Variants in PNMA6A observed in about 807,000 individuals in gnomAD.
PNMA6A encodes paraneoplastic antigen-like protein 6A.
For synonymous variants in PNMA6A, 2 were observed against 49.3 expected (o/e 0.04, Z 4.02); for missense variants, 8 against 103.5 (o/e 0.08, Z 4.00).
In PNMA6A at chrX:153,074,200, C is replaced by T. The variant is rs2051216766; in HGVS notation, c.1138C>T (p.Gln380Ter). The T allele has an allele frequency of 1.6e-6, 1 of 628,120 alleles. No homozygotes were observed. The highest frequency in any genetic ancestry group is 2.3e-6 in the Non-Finnish European group (1 of 437,630). 51.8% of individuals were successfully genotyped at this position (628,120 alleles called of 1,213,427 possible). Reference protein sequence around the residue: ...EPEGLLQAGGQEAEELLQEGL... With the variant: ...EPEGLLQAGG Reference sequence around the variant, plus strand: ...AGAGGGCCTCCTCCAGGCAGGAGGCCAGGAGGCTGAGGAGCTCCTCCAGGA... The same window carrying T: ...AGAGGGCCTCCTCCAGGCAGGAGGCTAGGAGGCTGAGGAGCTCCTCCAGGA... The change falls in exon 2 of 2, where the codon CAG (glutamine) becomes TAG (stop). Residue 380 changes from glutamine to a stop codon, truncating the protein, a stop_gained. Coordinates refer to ENST00000421798, the MANE Select transcript of PNMA6A (RefSeq NM_032882.6). LOFTEE classifies it high-confidence loss of function.
rs1603347252 is a variant in PNMA6A at position 153,074,408 on chromosome X, G to C, written c.*146G>C. 1 of 732,329 alleles carries C rather than the reference G, an allele frequency of 1.4e-6. No individual in the cohort carries two copies. The highest frequency in any genetic ancestry group is 2.1e-5 in the African/African-American group (1 of 47,187). 60.4% of individuals were successfully genotyped at this position (732,329 alleles called of 1,213,427 possible). ...AGGGCCGGTCCCTCACCCCACATCG[G>C]GATCGGGGCCCCCCACTTCCCCCCA... is the stretch of plus-strand genomic sequence containing the variant. On this transcript the variant is annotated 3_prime_UTR_variant, in exon 2 of 2. Transcript: ENST00000421798.
chrX:153,074,443 G>T lies in PNMA6A; in HGVS notation c.*181G>T. The T allele has an allele frequency of 1.9e-6, 1 of 517,680 alleles. No individual in the cohort carries two copies. Among genetic ancestry groups the T allele is most frequent in the Non-Finnish European group, 3.2e-6 (1 of 313,262 alleles). The allele number at this position is 517,680 out of a possible 1,213,427, so 42.7% of individuals were successfully genotyped here. ...CCCCCACTTCCCCCCAAGGGGCCCTGCCCACCACCACCTTCCCGGTGACCC... is the reference window on the plus strand; with the variant it reads ...CCCCCACTTCCCCCCAAGGGGCCCTTCCCACCACCACCTTCCCGGTGACCC... On this transcript the variant is annotated 3_prime_UTR_variant, in exon 2 of 2. Transcript: ENST00000421798.
Position 153,074,533 on chromosome X carries a change from C to T in PNMA6A, c.*271C>T. ...GCCCCTCCAGTGCCAGGGGCACGTG[C>T]TGTGAGCTTCCTGGGAGCCCAGGTT... On this transcript the variant is annotated 3_prime_UTR_variant, in exon 2 of 2. Coordinates refer to ENST00000421798, the MANE Select transcript of PNMA6A (RefSeq NM_032882.6). 2.6e-6 allele frequency: 1 copy of T among 378,527 alleles called. No homozygotes were observed. Among genetic ancestry groups the T allele is most frequent in the Non-Finnish European group, 4.8e-6 (1 of 209,541 alleles). 31.2% of individuals were successfully genotyped at this position (378,527 alleles called of 1,213,427 possible).
rs2051221162 is a variant in PNMA6A, at chrX:153,074,715, G to A, written c.*453G>A. The A allele has an allele frequency of 6.7e-6, 1 of 149,276 alleles. No homozygotes were observed. Among genetic ancestry groups the A allele is most frequent in the African/African-American group, 3.2e-5 (1 of 31,330 alleles). 12.3% of individuals were successfully genotyped at this position (149,276 alleles called of 1,213,427 possible). A position where few individuals can be genotyped will look rare whatever the true frequency, so the allele number is the denominator to read the frequency against. ...CAGTCCCGGGAGATGGCGGAAAGAA[G>A]GCACCAGGGCACAGTGGACACTCAT... On this transcript the variant is annotated 3_prime_UTR_variant, in exon 2 of 2. Transcript: ENST00000421798.
Position 153,074,425 on chromosome X carries a change from T to G in PNMA6A, c.*163T>G. ...CCACATCGGGATCGGGGCCCCCCAC[T>G]TCCCCCCAAGGGGCCCTGCCCACCA... On this transcript the variant is annotated 3_prime_UTR_variant, in exon 2 of 2. Coordinates refer to ENST00000421798, the MANE Select transcript of PNMA6A (RefSeq NM_032882.6). The G allele has an allele frequency of 3.4e-6, 2 of 584,737 alleles. No individual in the cohort carries two copies. The highest frequency in any genetic ancestry group is 2.7e-6 in the Non-Finnish European group (1 of 376,619). 48.2% of individuals were successfully genotyped at this position (584,737 alleles called of 1,213,427 possible). A position where few individuals can be genotyped will look rare whatever the true frequency, so the allele number is the denominator to read the frequency against.
In PNMA6A at chrX:153,074,412, C is replaced by G. The variant is rs1357770397; in HGVS notation, c.*150C>G. The G allele has an allele frequency of 1.4e-6, 1 of 695,198 alleles. No individual in the cohort carries two copies. The highest frequency in any genetic ancestry group is 2.2e-5 in the African/African-American group (1 of 46,125). 57.3% of individuals were successfully genotyped at this position (695,198 alleles called of 1,213,427 possible). The stretch of plus-strand genomic sequence containing the variant: ...CCGGTCCCTCACCCCACATCGGGAT[C>G]GGGGCCCCCCACTTCCCCCCAAGGG... On this transcript the variant is annotated 3_prime_UTR_variant, in exon 2 of 2. Transcript: ENST00000421798.
chrX:153,074,089 GGGGCCGGTGCCC>G lies in PNMA6A; in HGVS notation c.1032_1043del (p.Arg347_Ala350del), dbSNP rs2051215864. On this transcript the variant is annotated inframe_deletion, in exon 2 of 2. Coordinates refer to ENST00000421798, the MANE Select transcript of PNMA6A (RefSeq NM_032882.6). ...GAGCGTGAGAGCCCAGACACAGGAA[GGGGCCGGTGCCC>G]GGGCTGGTGCCCAGGCTGTTGCCAG... 1 of 396,892 alleles carries G rather than the reference GGGGCCGGTGCCC, an allele frequency of 2.5e-6. No individual in the cohort carries two copies. Among genetic ancestry groups the G allele is most frequent in the South Asian group, 3.5e-5 (1 of 28,639 alleles). 32.7% of individuals were successfully genotyped at this position (396,892 alleles called of 1,213,427 possible).
Position 153,074,197 on chromosome X carries a change from G to A in PNMA6A, c.1135G>A (p.Gly379Ser). 1 of 614,403 alleles carries A rather than the reference G, an allele frequency of 1.6e-6. No homozygotes were observed. Among genetic ancestry groups the A allele is most frequent in the Non-Finnish European group, 2.4e-6 (1 of 420,291 alleles). The allele number at this position is 614,403 out of a possible 1,213,427, so 50.6% of individuals were successfully genotyped here. ...REPEGLLQAGGQEAEELLQEG... is the reference protein window; with the variant it reads ...REPEGLLQAGSQEAEELLQEG... ...GCCAGAGGGCCTCCTCCAGGCAGGA[G>A]GCCAGGAGGCTGAGGAGCTCCTCCA... Residue 379 changes from glycine to serine, a missense_variant, in exon 2 of 2, where the codon GGC (glycine) becomes AGC (serine). Physicochemically the swap from Gly to Ser is moderately conservative, Grantham distance 56. Transcript: ENST00000421798.
At position 153,074,575 on chromosome X, in the gene PNMA6A, C is replaced by G. The variant is rs939436421; in HGVS notation, c.*313C>G. The G allele has an allele frequency of 4.9e-5, 15 of 308,218 alleles. No homozygotes were observed. Among genetic ancestry groups the G allele is most frequent in the Middle Eastern group, 9.7e-4 (1 of 1,034 alleles). The allele number at this position is 308,218 out of a possible 1,213,427, so 25.4% of individuals were successfully genotyped here. A position where few individuals can be genotyped will look rare whatever the true frequency, so the allele number is the denominator to read the frequency against. ...GCCCAGGTTGTGCTCACTGCTCTCC[C>G]GTATCGTGAGCACCACCTCTGCTTT... On this transcript the variant is annotated 3_prime_UTR_variant, in exon 2 of 2. Transcript: ENST00000421798.
chrX:153,074,431 C>A lies in PNMA6A; in HGVS notation c.*169C>A, dbSNP rs1361671441. 9.0e-6 allele frequency: 5 copies of A among 554,191 alleles called. No individual in the cohort carries two copies. The highest frequency in any genetic ancestry group is 1.4e-5 in the Non-Finnish European group (5 of 347,044). 45.7% of individuals were successfully genotyped at this position (554,191 alleles called of 1,213,427 possible). ...CGGGATCGGGGCCCCCCACTTCCCC[C>A]CAAGGGGCCCTGCCCACCACCACCT... On this transcript the variant is annotated 3_prime_UTR_variant, in exon 2 of 2. Transcript: ENST00000421798.
In PNMA6A at chrX:153,074,456, T is replaced by G; in HGVS notation, c.*194T>G. 3.2e-5 allele frequency: 15 copies of G among 471,994 alleles called. No individual in the cohort carries two copies. The highest frequency in any genetic ancestry group is 4.8e-5 in the African/African-American group (2 of 41,426). The allele number at this position is 471,994 out of a possible 1,213,427, so 38.9% of individuals were successfully genotyped here. A position where few individuals can be genotyped will look rare whatever the true frequency, so the allele number is the denominator to read the frequency against. On this transcript the variant is annotated 3_prime_UTR_variant, in exon 2 of 2. Transcript: ENST00000421798. ...CCAAGGGGCCCTGCCCACCACCACC[T>G]TCCCGGTGACCCAGATGACCACATT...
Position 153,074,518 on chromosome X carries a change from T to G in PNMA6A, c.*256T>G. On this transcript the variant is annotated 3_prime_UTR_variant, in exon 2 of 2. Coordinates refer to ENST00000421798, the MANE Select transcript of PNMA6A (RefSeq NM_032882.6). Reference sequence around the variant, plus strand: ...GGGGTGGGGGGAGGCGCCCCTCCAGTGCCAGGGGCACGTGCTGTGAGCTTC... The same window carrying G: ...GGGGTGGGGGGAGGCGCCCCTCCAGGGCCAGGGGCACGTGCTGTGAGCTTC... 1 of 392,893 alleles carries G rather than the reference T, an allele frequency of 2.5e-6. No individual in the cohort carries two copies. The highest frequency in any genetic ancestry group is 4.6e-6 in the Non-Finnish European group (1 of 218,225). 32.4% of individuals were successfully genotyped at this position (392,893 alleles called of 1,213,427 possible).
In PNMA6A at chrX:153,074,189, A is replaced by G. The variant is rs1193603865; in HGVS notation, c.1127A>G (p.Gln376Arg). Residue 376 changes from glutamine (Q) to arginine (R), a missense_variant, in exon 2 of 2, where the codon CAG (glutamine) becomes CGG (arginine). Physicochemically the swap from Gln to Arg is conservative, Grantham distance 43. Coordinates refer to ENST00000421798, the MANE Select transcript of PNMA6A (RefSeq NM_032882.6). Reference sequence around the variant, plus strand: ...GGTCGGGAGCCAGAGGGCCTCCTCCAGGCAGGAGGCCAGGAGGCTGAGGAG... The same window carrying G: ...GGTCGGGAGCCAGAGGGCCTCCTCCGGGCAGGAGGCCAGGAGGCTGAGGAG... ...GPGREPEGLL[Q>R]AGGQEAEELL... The G allele has an allele frequency of 1.8e-6, 1 of 559,628 alleles. No individual in the cohort carries two copies. The highest frequency in any genetic ancestry group is 2.7e-6 in the Non-Finnish European group (1 of 375,521). The allele number at this position is 559,628 out of a possible 1,213,427, so 46.1% of individuals were successfully genotyped here.
At position 153,074,422 on chromosome X, in the gene PNMA6A, C is replaced by A; in HGVS notation, c.*160C>A. On this transcript the variant is annotated 3_prime_UTR_variant, in exon 2 of 2. Coordinates refer to ENST00000421798, the MANE Select transcript of PNMA6A (RefSeq NM_032882.6). ...ACCCCACATCGGGATCGGGGCCCCCCACTTCCCCCCAAGGGGCCCTGCCCA... is the reference window on the plus strand; with the variant it reads ...ACCCCACATCGGGATCGGGGCCCCCAACTTCCCCCCAAGGGGCCCTGCCCA... The A allele has an allele frequency of 1.6e-6, 1 of 606,451 alleles. No individual in the cohort carries two copies. 50.0% of individuals were successfully genotyped at this position (606,451 alleles called of 1,213,427 possible). A position where few individuals can be genotyped will look rare whatever the true frequency, so the allele number is the denominator to read the frequency against.
Position 153,074,605 on chromosome X carries a change from G to T in PNMA6A, c.*343G>T, listed in dbSNP as rs2051220500. The T allele has an allele frequency of 7.9e-6, 2 of 252,249 alleles. No homozygotes were observed. Among genetic ancestry groups the T allele is most frequent in the African/African-American group, 2.8e-5 (1 of 35,199 alleles). The allele number at this position is 252,249 out of a possible 1,213,427, so 20.8% of individuals were successfully genotyped here. ...CGTGAGCACCACCTCTGCTTTCCCTGCGTAGATCTAGGCCAGGGGCTGCTT... is the reference window on the plus strand; with the variant it reads ...CGTGAGCACCACCTCTGCTTTCCCTTCGTAGATCTAGGCCAGGGGCTGCTT... On this transcript the variant is annotated 3_prime_UTR_variant, in exon 2 of 2. Coordinates refer to ENST00000421798, the MANE Select transcript of PNMA6A (RefSeq NM_032882.6).
Position 153,074,186 on chromosome X carries a change from T to TG in PNMA6A, c.1124_1125insG (p.Gln376ProfsTer8), listed in dbSNP as rs2051216599. The stretch of plus-strand genomic sequence containing the variant: ...CCTGGTCGGGAGCCAGAGGGCCTCC[T>TG]CCAGGCAGGAGGCCAGGAGGCTGAG... On this transcript the variant is annotated frameshift_variant, in exon 2 of 2. Transcript: ENST00000421798. LOFTEE classifies it high-confidence loss of function. The TG allele has an allele frequency of 1.8e-6, 1 of 558,898 alleles. No individual in the cohort carries two copies. Among genetic ancestry groups the TG allele is most frequent in the Non-Finnish European group, 2.7e-6 (1 of 376,710 alleles). 46.1% of individuals were successfully genotyped at this position (558,898 alleles called of 1,213,427 possible).
rs1214767876 is a variant in PNMA6A at position 153,074,427 on chromosome X, C to T, written c.*165C>T. On this transcript the variant is annotated 3_prime_UTR_variant, in exon 2 of 2. Transcript: ENST00000421798. ...ACATCGGGATCGGGGCCCCCCACTT[C>T]CCCCCAAGGGGCCCTGCCCACCACC... 8.7e-6 allele frequency: 5 copies of T among 576,219 alleles called. No homozygotes were observed. Among genetic ancestry groups the T allele is most frequent in the Admixed American group, 4.0e-5 (1 of 25,013 alleles). 47.5% of individuals were successfully genotyped at this position (576,219 alleles called of 1,213,427 possible). A position where few individuals can be genotyped will look rare whatever the true frequency, so the allele number is the denominator to read the frequency against.
rs2051221240 is a variant in PNMA6A, at chrX:153,074,731, G to A, written c.*469G>A. ...CGGAAAGAAGGCACCAGGGCACAGTGGACACTCATCCCGTGACAGCGATGG... is the reference window on the plus strand; with the variant it reads ...CGGAAAGAAGGCACCAGGGCACAGTAGACACTCATCCCGTGACAGCGATGG... On this transcript the variant is annotated 3_prime_UTR_variant, in exon 2 of 2. Coordinates refer to ENST00000421798, the MANE Select transcript of PNMA6A (RefSeq NM_032882.6). 6.7e-6 allele frequency: 1 copy of A among 149,491 alleles called. No homozygotes were observed. The highest frequency in any genetic ancestry group is 7.4e-5 in the Admixed American group (1 of 13,479). The allele number at this position is 149,491 out of a possible 1,213,427, so 12.3% of individuals were successfully genotyped here. A position where few individuals can be genotyped will look rare whatever the true frequency, so the allele number is the denominator to read the frequency against.
rs1329198281 is a variant in PNMA6A at position 153,074,736 on chromosome X, C to G, written c.*474C>G. 1 of 144,933 alleles carries G rather than the reference C, an allele frequency of 6.9e-6. No individual in the cohort carries two copies. The highest frequency in any genetic ancestry group is 2.2e-4 in the East Asian group (1 of 4,472). The allele number at this position is 144,933 out of a possible 1,213,427, so 11.9% of individuals were successfully genotyped here. On this transcript the variant is annotated 3_prime_UTR_variant, in exon 2 of 2. Transcript: ENST00000421798. ...AGAAGGCACCAGGGCACAGTGGACACTCATCCCGTGACAGCGATGGTGACC... is the reference window on the plus strand; with the variant it reads ...AGAAGGCACCAGGGCACAGTGGACAGTCATCCCGTGACAGCGATGGTGACC...
Sources: allele counts gnomAD v4.1 joint callset, GRCh38; gene constraint gnomAD v4.1.1; transcripts MANE v1.5; gene names NCBI Gene and HGNC (gene_info 2026-07-23, HGNC 2026-07-21).